The following SLC35F3 variants were observed in gnomAD, a reference collection of about 807,000 sequenced individuals.
The protein encoded by SLC35F3 is solute carrier family 35 member F3.
Under a neutral mutation model 49.9 loss-of-function variants are expected in SLC35F3, and 25 were observed. The ratio of observed to expected loss-of-function variants is 0.50; its 90% CI spans 0.37 to 0.70. The LOEUF (loss-of-function observed/expected upper bound fraction) is 0.70, where lower values mean the gene tolerates loss of function less well. Ranked by LOEUF, SLC35F3 falls within the 30% of genes least tolerant of loss-of-function variation. SLC35F3 has a pLI of 0.00. For synonymous variants in SLC35F3, 275 were observed against 265.4 expected (o/e 1.04, Z -0.35); for missense variants, 525 against 639.8 (o/e 0.82, Z 1.94).
At chr1:234,090,904 G>A (rs1424985345) in intron 2 of SLC35F3, among the ~76,000 whole-genome samples, 1 of 152,170 alleles carries the variant, frequency 6.6e-6, no homozygotes, top group African/African-American at 2.4e-5. Context: ...AGCAAGGCAG[G>A]TGAAGTTTGG....
In SLC35F3 at chr1:234,082,331, T is replaced by A. The variant is rs1572044977; in HGVS notation, c.284-149086T>A. Among the ~76,000 whole-genome samples the A allele has an allele frequency of 3.9e-5, 6 of 152,286 alleles. 1 individual carries two copies. The South Asian group carries it at 1.2e-3, about 32-fold the overall frequency. ...AGGAATCTCTGTAAATGCCACTACA[T>A]CATGCATTATTTGATTTCACAAATT... On this transcript the variant is annotated intron_variant, in intron 2 of 7. Transcript: ENST00000366618.
At chr1:234,310,608 G>A (rs1050312432) in intron 4 of SLC35F3, among the ~76,000 whole-genome samples, 2 of 152,198 alleles carry the variant, frequency 1.3e-5, no homozygotes, top group African/African-American at 4.8e-5. Flanking sequence ...ACTCGATGCT[G>A]AAGATCTGAA....
At chr1:234,249,513 T>A (rs1422065664) in intron 3 of SLC35F3, among the ~76,000 whole-genome samples, 1 of 152,176 alleles carries the variant, frequency 6.6e-6, no homozygotes, top group Non-Finnish European at 1.5e-5. Context: ...CTTGCCCACC[T>A]TCATCCAAGT....
chr1:234,166,686 A>G (rs1243965917), intron 2 of SLC35F3, among the ~76,000 whole-genome samples: 1 of 152,162 alleles, frequency 6.6e-6, no homozygotes, highest in African/African-American at 2.4e-5. Context: ...GATAGGAGGG[A>G]GCAGGAAGGC....
chr1:234,074,843 G>C (rs1338600327), intron 2 of SLC35F3, among the ~76,000 whole-genome samples: 4 of 152,156 alleles, frequency 2.6e-5, no homozygotes, highest in Non-Finnish European at 5.9e-5. Context: ...ATTGAAGAAA[G>C]GAAATCCAGG....
At chr1:234,069,633 G>A (rs6685279) in intron 2 of SLC35F3, among the ~76,000 whole-genome samples, 30,660 of 152,070 alleles carry the variant, frequency 0.2, 3,189 homozygotes, top group African/African-American at 0.25. Context: ...CAGAACTTAC[G>A]AGTCTTCTTA....
intron 2 of SLC35F3, among the ~76,000 whole-genome samples, chr1:234,115,645 C>T (rs1665475000): frequency 1.3e-5 from 2 of 152,290 alleles, no homozygotes; most frequent in South Asian, 4.2e-4. Flanking sequence ...AAAGAATTTC[C>T]ATATCCACTT....
intron 3 of SLC35F3, among the ~76,000 whole-genome samples, chr1:234,304,623 T>A (rs2102991862): frequency 1.3e-5 from 2 of 152,300 alleles, no homozygotes; most frequent in Non-Finnish European, 2.9e-5. Context: ...AAAATCCACA[T>A]TTTTATGAGG....
chr1:234,069,874 G>A (rs1664686793), intron 2 of SLC35F3, among the ~76,000 whole-genome samples: 1 of 152,034 alleles, frequency 6.6e-6, no homozygotes, highest in African/African-American at 2.4e-5. Flanking sequence ...GTCTCGTACT[G>A]CCCAGACTGT....
At chr1:233,989,678 T>C (rs1464195239) in intron 2 of SLC35F3, among the ~76,000 whole-genome samples, 3 of 152,220 alleles carry the variant, frequency 2.0e-5, no homozygotes, top group African/African-American at 7.2e-5. Flanking sequence ...TTAAAACTCA[T>C]ACCTAAACTC....
chr1:234,321,952 G>A (rs1324230677), intron 7 of SLC35F3, among the ~76,000 whole-genome samples: 1 of 152,056 alleles, frequency 6.6e-6, no homozygotes, highest in Non-Finnish European at 1.5e-5. Flanking sequence ...AGGCCAAGGT[G>A]GGAGGATCGC....
chr1:234,277,275 A>G (rs1217492494), intron 3 of SLC35F3, among the ~76,000 whole-genome samples: 3 of 152,224 alleles, frequency 2.0e-5, no homozygotes, highest in Non-Finnish European at 2.9e-5. Context: ...GGGAGAGGCC[A>G]GCAGGCAGTG....
intron 2 of SLC35F3, among the ~76,000 whole-genome samples, chr1:234,146,317 A>T (rs1340029393): frequency 6.6e-6 from 1 of 152,024 alleles, no homozygotes; most frequent in Admixed American, 6.6e-5. Flanking sequence ...CACAAGACAA[A>T]TATTTTAGCA....
At chr1:234,225,179 T>TC (rs892724077) in intron 2 of SLC35F3, among the ~76,000 whole-genome samples, 12 of 151,886 alleles carry the variant, frequency 7.9e-5, no homozygotes, top group African/African-American at 2.9e-4. Flanking sequence ...TCTGCAAGTC[T>TC]CCCCCCCTTT....
intron 2 of SLC35F3, among the ~76,000 whole-genome samples, chr1:234,208,874 G>A (rs1041417193): frequency 6.6e-6 from 1 of 152,188 alleles, no homozygotes; most frequent in African/African-American, 2.4e-5. Context: ...AAACAAGAGA[G>A]TGGGGCTAGT....
At chr1:234,311,747 C>G (rs1381665892) in intron 4 of SLC35F3, among the ~76,000 whole-genome samples, 2 of 152,198 alleles carry the variant, frequency 1.3e-5, no homozygotes. Context: ...CCATCTGACT[C>G]TCTGCTTAGG....
chr1:234,145,969 A>T (rs9435569), intron 2 of SLC35F3, among the ~76,000 whole-genome samples: 54,888 of 152,034 alleles, frequency 0.36, 15,416 homozygotes, highest in East Asian at 0.75. Flanking sequence ...TTGCATGCGG[A>T]ATCTTTTTCA....
intron 2 of SLC35F3, among the ~76,000 whole-genome samples, chr1:234,010,898 CA>C (rs1370720550): frequency 6.6e-6 from 1 of 152,122 alleles, no homozygotes; most frequent in Non-Finnish European, 1.5e-5. Flanking sequence ...GTCAATTCAT[CA>C]AAAGGATATA....
chr1:233,981,076 AAG>A (rs1663174514), intron 2 of SLC35F3, among the ~76,000 whole-genome samples: 2 of 152,226 alleles, frequency 1.3e-5, no homozygotes, highest in Non-Finnish European at 2.9e-5. Flanking sequence ...AAAGAACAGA[AAG>A]AGATACTGTG....
Sources: gnomAD v4.1 joint callset for allele counts (sites outside exome capture counted in the v4.1 genomes callset) on GRCh38, gnomAD v4.1.1 for gene constraint, MANE v1.5 for transcripts, NCBI Gene and HGNC (gene_info 2026-07-23, HGNC 2026-07-21) for gene names.